GYG2: variants seen among roughly 807,000 people sequenced by gnomAD.
GYG2 encodes glycogenin-2.
In GYG2, 29 loss-of-function variants were observed where a neutral mutation model predicts 29.4. The observed-to-expected ratio is 0.99, with a 90% CI of 0.74 to 1.35. The LOEUF (loss-of-function observed/expected upper bound fraction) is 1.35. Ranked by LOEUF, GYG2 falls within the 40% of genes most tolerant of loss-of-function variation. GYG2 has a pLI of 0.00. For synonymous variants in GYG2, 167 were observed against 172.3 expected, an observed-to-expected ratio of 0.97 and a Z score of 0.24; for missense variants, 370 against 385.7, an observed-to-expected ratio of 0.96 and a Z score of 0.34.
intron 9 of GYG2, among the ~76,000 whole-genome samples, chrX:2,876,141 T>G (rs1387338254): frequency 2.9e-5 from 3 of 104,403 alleles, no homozygotes; most frequent in Non-Finnish European, 3.9e-5. Flanking sequence ...GGAATCTGGC[T>G]GTCTGTTCGA....
At chrX:2,871,974 T>C (rs746636662) in intron 8 of GYG2, among the ~76,000 whole-genome samples, 1 of 112,072 alleles carries the variant, frequency 8.9e-6, no homozygotes, top group South Asian at 3.8e-4. Flanking sequence ...TCTCCTTGGA[T>C]TGTGTACTGG....
chrX:2,854,111 T>C lies in GYG2; in HGVS notation c.281T>C (p.Leu94Pro), dbSNP rs766865407. 9.1e-6 allele frequency: 11 copies of C among 1,203,378 alleles called. No homozygotes were observed. The highest frequency in any genetic ancestry group is 5.6e-6 in the Non-Finnish European group (5 of 890,654). ...CTCACCAAGCTTCACTGTTGGACTCTCACTCACTACAGCAAGTGTGTCTTC... is the reference window on the plus strand; with the variant it reads ...CTCACCAAGCTTCACTGTTGGACTCCCACTCACTACAGCAAGTGTGTCTTC... ...LTLTKLHCWT[L>P]THYSKCVFLD... The change falls in exon 4 of 11, where the codon CTC becomes CCC. Residue 94 changes from leucine to proline, a missense_variant. Transcript: ENST00000398806.
intron 3 of GYG2, among the ~76,000 whole-genome samples, chrX:2,846,115 G>A (rs759422209): frequency 1.3e-5 from 1 of 79,293 alleles, no homozygotes; most frequent in East Asian, 3.8e-4. Flanking sequence ...CGTCCAAGCT[G>A]GAGTGCCATG....
chrX:2,848,495 G>A (rs1302595981), intron 3 of GYG2, among the ~76,000 whole-genome samples: 3 of 95,624 alleles, frequency 3.1e-5, no homozygotes, highest in African/African-American at 4.5e-5. Context: ...CCCAGATCGC[G>A]CCACCTGCAC....
Position 2,869,441 on chromosome X carries a change from C to T in GYG2, c.1039-6369C>T, listed in dbSNP as rs558819808. On this transcript the variant is annotated intron_variant, in intron 8 of 10. Transcript: ENST00000398806. ...ACTCCCGGTGGTCTTTGAAATGAGTCGTGCAACATCACTGTCACCTGCTGT... is the reference window on the plus strand; with the variant it reads ...ACTCCCGGTGGTCTTTGAAATGAGTTGTGCAACATCACTGTCACCTGCTGT... Among the ~76,000 whole-genome samples, 10 of 110,933 alleles carry T rather than the reference C, an allele frequency of 9.0e-5. No homozygotes were observed. In the South Asian group the frequency reaches 2.8e-3, roughly 31 times the overall value.
intron 8 of GYG2, among the ~76,000 whole-genome samples, chrX:2,873,089 G>C (rs2088511303): frequency 8.9e-6 from 1 of 111,806 alleles, no homozygotes; most frequent in African/African-American, 3.3e-5. Context: ...CTTTGCAGCA[G>C]TAAGAGGGAA....
At chrX:2,856,799 C>CTATCATCT (rs5901212) in intron 6 of GYG2, among the ~76,000 whole-genome samples, 175 bp downstream of exon 6, 3 of 91,507 alleles carry the variant, frequency 3.3e-5, no homozygotes, top group Non-Finnish European at 6.3e-5. Context: ...ATCTATCTAT[C>CTATCATCT]ATCTATCTAT....
At chrX:2,871,582 C>T (rs755612567) in intron 8 of GYG2, among the ~76,000 whole-genome samples, 7 of 110,316 alleles carry the variant, frequency 6.3e-5, no homozygotes, top group Non-Finnish European at 1.3e-4. Context: ...CCCAGCTACT[C>T]GGGAGGCTGA....
At chrX:2,863,779 C>T (rs911539927) in intron 8 of GYG2, among the ~76,000 whole-genome samples, 1 of 111,651 alleles carries the variant, frequency 9.0e-6, no homozygotes, top group Non-Finnish European at 1.9e-5. Flanking sequence ...TAGCCTGGGC[C>T]TGGCCCCAGG....
chrX:2,852,230 C>G (rs771062082), intron 3 of GYG2, among the ~76,000 whole-genome samples: 6 of 111,968 alleles, frequency 5.4e-5, no homozygotes, highest in Admixed American at 1.9e-4. Context: ...GAACTCTAGC[C>G]TGGGTGACAG....
chrX:2,844,484 G>A (rs2087578035), intron 3 of GYG2, among the ~76,000 whole-genome samples: 1 of 109,244 alleles, frequency 9.2e-6, no homozygotes, highest in Non-Finnish European at 1.9e-5. Flanking sequence ...ATATATATGT[G>A]TATATGCACG....
At chrX:2,844,279 T>TG (rs762020867) in intron 3 of GYG2, among the ~76,000 whole-genome samples, 1 of 111,727 alleles carries the variant, frequency 9.0e-6, no homozygotes, top group South Asian at 3.8e-4. Flanking sequence ...CGTTTGAAAC[T>TG]GGAAGTTTTA....
At chrX:2,865,784 A>G (rs2088281842) in intron 8 of GYG2, among the ~76,000 whole-genome samples, 1 of 111,837 alleles carries the variant, frequency 8.9e-6, no homozygotes, top group South Asian at 3.7e-4. Flanking sequence ...TCCACTGTTG[A>G]TGGGGATTAA....
intron 10 of GYG2, among the ~76,000 whole-genome samples, chrX:2,879,328 C>T (rs1450289272): frequency 9.8e-6 from 1 of 101,607 alleles, no homozygotes; most frequent in Non-Finnish European, 2.0e-5. Context: ...AGTGCAGTGG[C>T]GTGATCTCGG....
intron 2 of GYG2, among the ~76,000 whole-genome samples, chrX:2,832,421 A>G (rs764385390): frequency 1.5e-3 from 169 of 111,573 alleles, no homozygotes; most frequent in Non-Finnish European, 2.5e-3. Context: ...CCCTGTCTGC[A>G]TTCTCTTTTG....
At chrX:2,843,105 G>A (rs1031994562) in intron 2 of GYG2, 108 bp from the exon 3 acceptor site, 2 of 672,942 alleles carry the variant, frequency 3.0e-6, no homozygotes, top group Admixed American at 4.9e-5. Context: ...GAACCATCAC[G>A]TCTGGCCCAA....
chrX:2,848,524 C>G (rs2087797627), intron 3 of GYG2, among the ~76,000 whole-genome samples: 1 of 88,122 alleles, frequency 1.1e-5, no homozygotes, highest in Non-Finnish European at 2.2e-5. Flanking sequence ...GGTGACAGAG[C>G]GAGACTCTGT....
chrX:2,863,812 C>A (rs2088233019), intron 8 of GYG2, among the ~76,000 whole-genome samples: 1 of 111,732 alleles, frequency 8.9e-6, no homozygotes, highest in Admixed American at 9.5e-5. Context: ...CGAGTCAAGT[C>A]AAGAGCCTCT....
rs1246182447 is a variant in GYG2 at position 2,858,144 on chromosome X, A to G, written c.614+1520A>G. ...TAATTTCTCAGTTTTAATATCGATT[A>G]TTCTAAATATGGAGAGAGAGAATCC... On this transcript the variant is annotated intron_variant, in intron 6 of 10. Transcript: ENST00000398806. Among the ~76,000 whole-genome samples, 3 of 111,567 alleles carry G rather than the reference A, an allele frequency of 2.7e-5. No homozygotes were observed. The Admixed American group carries it at 2.9e-4, about 11-fold the overall frequency.
Sources: gnomAD v4.1 joint callset for allele counts (sites outside exome capture counted in the v4.1 genomes callset) on GRCh38, gnomAD v4.1.1 for gene constraint, MANE v1.5 for transcripts, NCBI Gene and HGNC (gene_info 2026-07-23, HGNC 2026-07-21) for gene names.